The following CLDN1 variants were observed in gnomAD, a reference collection of about 807,000 sequenced individuals.
The protein encoded by CLDN1 is claudin 1, also known as claudin-1.
A neutral mutation model predicts 22.6 loss-of-function variants in CLDN1; 12 were observed. The observed-to-expected ratio is 0.53, with a 90% CI of 0.34 to 0.86. CLDN1 has a LOEUF of 0.86. Ranked by LOEUF, CLDN1 falls within the 40% of genes least tolerant of loss-of-function variation. The pLI is 0.02. For missense variants in CLDN1, 250 were observed against 269.5 expected (o/e 0.93, Z 0.51); for synonymous variants, 99 against 103.8 (o/e 0.95, Z 0.28).
At chr3:190,310,316 C>CAAAAATA in intron 2 of CLDN1, 63 bp from the exon 3 acceptor site, 2 of 1,245,720 alleles carry the variant, frequency 1.6e-6, no homozygotes, top group Non-Finnish European at 2.4e-6. Flanking sequence ...AATACACAAC[C>CAAAAATA]TGTTAAACCA....
Position 190,312,905 on chromosome 3 carries a change from C to A in CLDN1, c.355G>T (p.Ala119Ser), listed in dbSNP as rs757271518. 6.2e-7 allele frequency: 1 copy of A among 1,614,176 alleles called. No individual in the cohort carries two copies. The highest frequency in any genetic ancestry group is 8.5e-7 in the Non-Finnish European group (1 of 1,180,026). ...AGAAATATCGCACCCCCAATGACAG[C>A]CATCCTCATCTTCTGCACCTCATCG... Reference protein sequence around the residue: ...EDDEVQKMRMAVIGGAIFLLA... With the variant: ...EDDEVQKMRMSVIGGAIFLLA... Residue 119 changes from alanine to serine, a missense_variant, in exon 2 of 4, where the codon GCT (alanine) becomes TCT (serine). By Grantham distance (99) the Ala-to-Ser change is moderately conservative. Coordinates refer to ENST00000295522, the MANE Select transcript of CLDN1 (RefSeq NM_021101.5).
intron 1 of CLDN1, among the ~76,000 whole-genome samples, chr3:190,315,932 C>T (rs1716754509): frequency 6.6e-6 from 1 of 152,192 alleles, no homozygotes; most frequent in Non-Finnish European, 1.5e-5. Flanking sequence ...AGGGCCCTTA[C>T]TGCACCCACC....
chr3:190,317,561 TAG>T (rs1043459225), intron 1 of CLDN1, among the ~76,000 whole-genome samples: 12 of 152,228 alleles, frequency 7.9e-5, no homozygotes, highest in African/African-American at 2.9e-4. Context: ...GCTACACAAG[TAG>T]TAGAATCTAC....
intron 1 of CLDN1, chr3:190,313,339 C>T: frequency 2.8e-6 from 1 of 359,002 alleles, no homozygotes; most frequent in Non-Finnish European, 5.2e-6. Context: ...GTTAGCTGAA[C>T]TAATACATAT....
chr3:190,311,790 T>C (rs1334178093), intron 2 of CLDN1, among the ~76,000 whole-genome samples: 1 of 151,410 alleles, frequency 6.6e-6, no homozygotes, highest in Non-Finnish European at 1.5e-5. Flanking sequence ...TGTATGTACA[T>C]ATACACACGT....
rs764055541 is a variant in CLDN1 at position 190,308,165 on chromosome 3, T to C, written c.*112A>G. 5.5e-5 allele frequency: 69 copies of C among 1,255,380 alleles called. No homozygotes were observed. Among genetic ancestry groups the C allele is most frequent in the Non-Finnish European group, 7.9e-5 (68 of 858,194 alleles). 77.8% of individuals were successfully genotyped at this position (1,255,380 alleles called of 1,614,324 possible). On this transcript the variant is annotated 3_prime_UTR_variant, in exon 4 of 4. Coordinates refer to ENST00000295522, the MANE Select transcript of CLDN1 (RefSeq NM_021101.5). The stretch of plus-strand genomic sequence containing the variant: ...TTTTGTTTGTTTGTTTGTTTTGTAA[T>C]ACCATACTTCAGATTACAATACCCA...
intron 1 of CLDN1, among the ~76,000 whole-genome samples, chr3:190,315,361 T>C (rs1716737053): frequency 2.0e-5 from 3 of 152,190 alleles, no homozygotes; most frequent in Non-Finnish European, 4.4e-5. Flanking sequence ...GGAGAGCTGG[T>C]CATCCTAACG....
rs539245648 is a variant in CLDN1 at position 190,308,538 on chromosome 3, C to T, written c.474-99G>A. The T allele has an allele frequency of 1.2e-5, 14 of 1,153,642 alleles. 1 individual carries two copies. In the South Asian group the frequency reaches 1.6e-4, roughly 13 times the overall value. The allele number at this position is 1,153,642 out of a possible 1,614,324, so 71.5% of individuals were successfully genotyped here. A position where few individuals can be genotyped will look rare whatever the true frequency, so the allele number is the denominator to read the frequency against. On this transcript the variant is annotated intron_variant, in intron 3 of 3. Coordinates refer to ENST00000295522, the MANE Select transcript of CLDN1 (RefSeq NM_021101.5). ...AAATCAATACTCATTGTATTTTTTT[C>T]ATTGAAAATAACCCCTGAATATCCC...
intron 2 of CLDN1, among the ~76,000 whole-genome samples, chr3:190,312,257 GA>G (rs1716642097): frequency 6.6e-6 from 1 of 151,708 alleles, no homozygotes; most frequent in Non-Finnish European, 1.5e-5. Context: ...ATTTTAAATG[GA>G]AAATATAATA....
rs768137462 is a variant in CLDN1 at position 190,322,109 on chromosome 3, T to C, written c.98A>G (p.Tyr33Cys). The C allele has an allele frequency of 1.2e-6, 2 of 1,613,934 alleles. No homozygotes were observed. Among genetic ancestry groups the C allele is most frequent in the East Asian group, 4.5e-5 (2 of 44,846 alleles). Reference sequence around the variant, plus strand: ...CACGATGTTGTCGCCGGCATAGGAGTAAATCCTCCACTGGGGCAGGGCAGT... The same window carrying C: ...CACGATGTTGTCGCCGGCATAGGAGCAAATCCTCCACTGGGGCAGGGCAGT... Reference protein sequence around the residue: ...VSTALPQWRIYSYAGDNIVTA... With the variant: ...VSTALPQWRICSYAGDNIVTA... Residue 33 changes from tyrosine (Y) to cysteine (C), a missense_variant, in exon 1 of 4, where the codon TAC (tyrosine) becomes TGC (cysteine). Physicochemically the swap from Tyr to Cys is radical, Grantham distance 194 (BLOSUM62 -2). Coordinates refer to ENST00000295522, the MANE Select transcript of CLDN1 (RefSeq NM_021101.5).
chr3:190,312,374 T>C lies in CLDN1; in HGVS notation c.388+498A>G, dbSNP rs192873911. Among the ~76,000 whole-genome samples, 3 of 152,304 alleles carry C rather than the reference T, an allele frequency of 2.0e-5. No homozygotes were observed. The East Asian group carries it at 5.8e-4, about 29-fold the overall frequency. On this transcript the variant is annotated intron_variant, in intron 2 of 3. Coordinates refer to ENST00000295522, the MANE Select transcript of CLDN1 (RefSeq NM_021101.5). ...CCTCTACTCCAGTTGGCCTTTCTTT[T>C]CATTGATCTACAGGCACATCCTGTT...
chr3:190,319,647 G>A lies in CLDN1; in HGVS notation c.223+2337C>T, dbSNP rs116748625. On this transcript the variant is annotated intron_variant, in intron 1 of 3. Transcript: ENST00000295522. Reference sequence around the variant, plus strand: ...ACAAGTGTGCTCTACTGGGAAAGACGGCAAGGTACAATTTCGGGAAACCCA... The same window carrying A: ...ACAAGTGTGCTCTACTGGGAAAGACAGCAAGGTACAATTTCGGGAAACCCA... Among the ~76,000 whole-genome samples, 567 of 152,266 alleles carry A rather than the reference G, an allele frequency of 3.7e-3. 2 individuals carry two copies. Among genetic ancestry groups the A allele is most frequent in the African/African-American group, 0.013 (549 of 41,536 alleles).
In CLDN1 at chr3:190,322,192, C is replaced by T. The variant is rs78025997; in HGVS notation, c.15G>A (p.Gly5=). MANA[G]LQLLGFILAF... is the part of the protein sequence containing the mutation. The stretch of plus-strand genomic sequence containing the variant: ...CGAGAATGAAGCCCAACAGCTGCAG[C>T]CCCGCGTTGGCCATGACTCGCTCGG... Residue 5 remains glycine (G), a synonymous_variant, in exon 1 of 4, where the codon GGG becomes GGA. Transcript: ENST00000295522. The T allele has an allele frequency of 5.3e-4, 863 of 1,613,872 alleles. 5 individuals are homozygous for T. The African/African-American group carries it at 0.01, about 19-fold the overall frequency.
intron 1 of CLDN1, among the ~76,000 whole-genome samples, chr3:190,314,918 G>T (rs1156599898): frequency 1.3e-5 from 2 of 152,050 alleles, no homozygotes; most frequent in Non-Finnish European, 2.9e-5. Flanking sequence ...GGAACTGCTG[G>T]ATCAAAACAC....
chr3:190,318,190 T>C (rs772233787), intron 1 of CLDN1, among the ~76,000 whole-genome samples: 3 of 152,302 alleles, frequency 2.0e-5, no homozygotes, highest in Non-Finnish European at 2.9e-5. Context: ...GTGAAAATGA[T>C]CCTGGATGAG....
intron 1 of CLDN1, among the ~76,000 whole-genome samples, chr3:190,316,154 C>A (rs1208104140): frequency 6.6e-6 from 1 of 152,048 alleles, no homozygotes; most frequent in Non-Finnish European, 1.5e-5. Context: ...TTGCATAATA[C>A]ACAAAAAGTA....
In CLDN1 at chr3:190,322,404, G is replaced by T. The variant is rs1560077520; in HGVS notation, c.-198C>A. ...GCGCCCGGGGCGGCGCTGGAGTCTG[G>T]ATACTAGAAGCTGCGGTTGCTCCCA... On this transcript the variant is annotated 5_prime_UTR_variant, in exon 1 of 4. Transcript: ENST00000295522. 2 of 610,784 alleles carry T rather than the reference G, an allele frequency of 3.3e-6. No individual in the cohort carries two copies. Among genetic ancestry groups the T allele is most frequent in the East Asian group, 5.5e-5 (2 of 36,334 alleles). 37.8% of individuals were successfully genotyped at this position (610,784 alleles called of 1,614,324 possible).
In CLDN1 at chr3:190,305,882, T is replaced by C. The variant is rs1340377422; in HGVS notation, c.*2395A>G. ...TCGTTGGTCATTTTGGGCCATAAAATTTTTTTGTAATGTTTGGTAACTGAT... is the reference window on the plus strand; with the variant it reads ...TCGTTGGTCATTTTGGGCCATAAAACTTTTTTGTAATGTTTGGTAACTGAT... On this transcript the variant is annotated 3_prime_UTR_variant, in exon 4 of 4. Coordinates refer to ENST00000295522, the MANE Select transcript of CLDN1 (RefSeq NM_021101.5). 1 of 152,142 alleles carries C rather than the reference T, an allele frequency of 6.6e-6. No individual in the cohort carries two copies. Among genetic ancestry groups the C allele is most frequent in the African/African-American group, 2.4e-5 (1 of 41,434 alleles). 9.4% of individuals were successfully genotyped at this position (152,142 alleles called of 1,614,324 possible).
At chr3:190,310,931 A>T (rs1716598983) in intron 2 of CLDN1, among the ~76,000 whole-genome samples, 1 of 152,218 alleles carries the variant, frequency 6.6e-6, no homozygotes, top group African/African-American at 2.4e-5. Context: ...TCATTCACTT[A>T]ATCATTTATA....
Sources: gnomAD v4.1 joint callset for allele counts (sites outside exome capture counted in the v4.1 genomes callset) on GRCh38, gnomAD v4.1.1 for gene constraint, MANE v1.5 for transcripts, NCBI Gene and HGNC (gene_info 2026-07-23, HGNC 2026-07-21) for gene names.